Variants in ELMO1 observed in about 807,000 individuals in gnomAD.
ELMO1 encodes engulfment and cell motility protein 1.
Under a neutral mutation model 98.9 loss-of-function variants are expected in ELMO1, and 26 were observed. The observed-to-expected ratio is 0.26, with a 90% CI of 0.19 to 0.36. ELMO1 has a LOEUF of 0.36. Ranked by LOEUF, ELMO1 falls within the 10% of genes least tolerant of loss-of-function variation. The probability of loss-of-function intolerance (pLI) is 1.00; values close to 1 mark genes in which losing one functional copy is unlikely to be tolerated. For missense variants in ELMO1, 627 were observed against 935.2 expected (o/e 0.67, Z 4.30); for synonymous variants, 346 against 346.0 (o/e 1.00, Z 0.00).
At chr7:37,013,171 C>A in intron 16 of ELMO1, 128 bp downstream of exon 16, 1 of 1,211,504 alleles carries the variant, frequency 8.3e-7, no homozygotes, top group Non-Finnish European at 1.1e-6. Context: ...ATTCTTGAAG[C>A]AACTATCATT....
intron 8 of ELMO1, among the ~76,000 whole-genome samples, chr7:37,226,352 C>T (rs1012937628): frequency 3.9e-5 from 6 of 152,154 alleles, no homozygotes; most frequent in African/African-American, 1.4e-4. Flanking sequence ...CCTTGGCAAG[C>T]CCTTGACTTA....
chr7:37,206,819 C>A (rs1792651489), intron 13 of ELMO1, among the ~76,000 whole-genome samples: 4 of 146,234 alleles, frequency 2.7e-5, no homozygotes, highest in African/African-American at 7.6e-5. Flanking sequence ...TGTTGAGAAA[C>A]AATTTCTTTT....
chr7:36,878,546 C>G lies in ELMO1; in HGVS notation c.1715-429G>C, dbSNP rs1804154824. Among the ~76,000 whole-genome samples the G allele has an allele frequency of 1.3e-5, 2 of 152,168 alleles. 1 individual carries two copies. The highest frequency in any genetic ancestry group is 3.9e-4 in the East Asian group (2 of 5,194). On this transcript the variant is annotated intron_variant, in intron 18 of 21. Transcript: ENST00000310758. ...CTCTGAGAATTTCAGACTGTTGAGA[C>G]AGTTGTGTCCAAGGCCAGATTTTAG...
intron 11 of ELMO1, among the ~76,000 whole-genome samples, chr7:37,214,692 T>C (rs1470898546): frequency 1.3e-5 from 2 of 152,114 alleles, no homozygotes; most frequent in African/African-American, 4.8e-5. Flanking sequence ...TAGGAGCAAA[T>C]CAAACCCCTT....
chr7:37,338,859 C>A (rs965372695), intron 2 of ELMO1, among the ~76,000 whole-genome samples: 2 of 152,112 alleles, frequency 1.3e-5, no homozygotes, highest in Non-Finnish European at 2.9e-5. Flanking sequence ...ACAGCAAAGT[C>A]CATGTCTAAG....
chr7:36,853,994 A>G lies in ELMO1; in HGVS notation c.*1557T>C, dbSNP rs1354705509. On this transcript the variant is annotated 3_prime_UTR_variant, in exon 22 of 22. Coordinates refer to ENST00000310758, the MANE Select transcript of ELMO1 (RefSeq NM_014800.11). ...CTAAATGTGCTCCCTCAAAGTTGTG[A>G]TGTCTTTAATTAGACCCATTCTATA... Among the ~76,000 whole-genome samples, 1 of 152,238 alleles carries G rather than the reference A, an allele frequency of 6.6e-6. No individual in the cohort carries two copies. Among genetic ancestry groups the G allele is most frequent in the African/African-American group, 2.4e-5 (1 of 41,466 alleles).
At chr7:37,368,912 C>T (rs901452790) in intron 1 of ELMO1, among the ~76,000 whole-genome samples, 1 of 152,208 alleles carries the variant, frequency 6.6e-6, no homozygotes, top group Non-Finnish European at 1.5e-5. Flanking sequence ...ACATTAAATA[C>T]ATTGTATGCC....
intron 15 of ELMO1, among the ~76,000 whole-genome samples, chr7:37,051,772 G>A (rs775355568): frequency 6.6e-5 from 10 of 152,142 alleles, no homozygotes; most frequent in African/African-American, 1.4e-4. Flanking sequence ...TTTGTCTTCT[G>A]TGCAGGTTTT....
At chr7:36,877,821 C>T (rs1235568831) in intron 19 of ELMO1, among the ~76,000 whole-genome samples, 189 bp downstream of exon 19, 1 of 152,192 alleles carries the variant, frequency 6.6e-6, no homozygotes, top group Admixed American at 6.5e-5. Flanking sequence ...ACATTCTCCC[C>T]TATTCAGTTC....
At chr7:37,119,947 T>A (rs1785891820) in intron 14 of ELMO1, among the ~76,000 whole-genome samples, 1 of 152,190 alleles carries the variant, frequency 6.6e-6, no homozygotes, top group Non-Finnish European at 1.5e-5. Flanking sequence ...ATTAATTATG[T>A]GATTTTTTGG....
rs370847127 is a variant in ELMO1, at chr7:37,338,961, G to A, written c.78+3652C>T. On this transcript the variant is annotated intron_variant, in intron 2 of 21. Coordinates refer to ENST00000310758, the MANE Select transcript of ELMO1 (RefSeq NM_014800.11). ...ATAAACAAGTCCATCATGGGCAGACGTCCCTCTGAAAACTCCAGGCACTGA... is the reference window on the plus strand; with the variant it reads ...ATAAACAAGTCCATCATGGGCAGACATCCCTCTGAAAACTCCAGGCACTGA... Among the ~76,000 whole-genome samples, 26 of 152,272 alleles carry A rather than the reference G, an allele frequency of 1.7e-4. No homozygotes were observed. In the South Asian group the frequency reaches 2.5e-3, roughly 15 times the overall value.
chr7:37,128,970 C>T lies in ELMO1; in HGVS notation c.1191+4160G>A, dbSNP rs113311274. Among the ~76,000 whole-genome samples, 1,490 of 151,954 alleles carry T rather than the reference C, an allele frequency of 9.8e-3. 24 individuals carry two copies. The highest frequency in any genetic ancestry group is 0.034 in the African/African-American group (1,409 of 41,416). ...TGCAAAGAGAGTGGATGGAGTCATC[C>T]GGGTAGAGGGTCAGGAAGTCTTCTT... On this transcript the variant is annotated intron_variant, in intron 14 of 21. Transcript: ENST00000310758.
At chr7:36,864,680 G>T (rs191122971) in intron 20 of ELMO1, among the ~76,000 whole-genome samples, 8 of 152,336 alleles carry the variant, frequency 5.3e-5, no homozygotes, top group African/African-American at 1.7e-4. Context: ...GCGCCAGGTG[G>T]TGGTGGAGTA....
At chr7:37,190,098 A>G (rs1297551306) in intron 13 of ELMO1, among the ~76,000 whole-genome samples, 2 of 152,302 alleles carry the variant, frequency 1.3e-5, no homozygotes, top group Non-Finnish European at 1.5e-5. Context: ...ATACTGAACG[A>G]AAGAACAGCA....
At chr7:37,294,767 A>G (rs1207685836) in intron 4 of ELMO1, among the ~76,000 whole-genome samples, 1 of 152,240 alleles carries the variant, frequency 6.6e-6, no homozygotes, top group African/African-American at 2.4e-5. Context: ...TGGGAGGCAG[A>G]GGCAGGTGGA....
chr7:37,385,778 C>T (rs1314565689), intron 1 of ELMO1, among the ~76,000 whole-genome samples: 1 of 152,230 alleles, frequency 6.6e-6, no homozygotes, highest in East Asian at 1.9e-4. Context: ...AATGCATGCA[C>T]ACACACAAAA....
At chr7:36,908,678 T>C (rs1412263487) in intron 16 of ELMO1, among the ~76,000 whole-genome samples, 1 of 152,252 alleles carries the variant, frequency 6.6e-6, no homozygotes, top group Admixed American at 6.5e-5. Flanking sequence ...TCTCAACTTC[T>C]TATTTAAGAA....
chr7:37,008,978 C>T (rs118011120), intron 16 of ELMO1, among the ~76,000 whole-genome samples: 3,296 of 152,246 alleles, frequency 0.022, 42 homozygotes, highest in Middle Eastern at 0.051. Context: ...TTTCAAAAGC[C>T]CCCAGGTGAT....
At chr7:36,865,473 A>G (rs1403160938) in intron 20 of ELMO1, among the ~76,000 whole-genome samples, 2 of 152,220 alleles carry the variant, frequency 1.3e-5, no homozygotes, top group Non-Finnish European at 2.9e-5. Flanking sequence ...CTATCTTAGC[A>G]GCGTAACCGG....
Sources: allele counts gnomAD v4.1 joint callset (sites outside exome capture counted in the v4.1 genomes callset), GRCh38; gene constraint gnomAD v4.1.1; transcripts MANE v1.5; gene names NCBI Gene and HGNC (gene_info 2026-07-23, HGNC 2026-07-21).